Variants in MYO16 observed in about 807,000 individuals in gnomAD.
The protein encoded by MYO16 is unconventional myosin-XVI.
In MYO16, 94 loss-of-function variants were observed where a neutral mutation model predicts 205.3. The observed-to-expected ratio is 0.46, with a 90% CI of 0.39 to 0.54. The LOEUF is 0.54. Among genes scored for constraint, MYO16 ranks in the 20% least tolerant of loss-of-function variants. The pLI is 0.00. For missense variants in MYO16, 2,315 were observed against 2,387.5 expected, an observed-to-expected ratio of 0.97 and a Z score of 0.63; for synonymous variants, 988 against 954.0, an observed-to-expected ratio of 1.04 and a Z score of -0.66.
At chr13:109,018,629 G>A (rs1397851215) in intron 22 of MYO16, among the ~76,000 whole-genome samples, 2 of 152,204 alleles carry the variant, frequency 1.3e-5, no homozygotes, top group Non-Finnish European at 1.5e-5. Context: ...GTTGAGCGAA[G>A]CATGGGATAT....
chr13:108,531,515 G>A, the MYO16 span, among the ~76,000 whole-genome samples: 1 of 152,142 alleles, frequency 6.6e-6, no homozygotes, highest in African/African-American at 2.4e-5. Flanking sequence ...GAGGAAGATA[G>A]GAAGGAGGAT....
intron 24 of MYO16, 43 bp from the exon 25 acceptor site, chr13:109,052,257 T>G (rs1887268136): frequency 6.5e-7 from 1 of 1,535,434 alleles, no homozygotes; most frequent in African/African-American, 1.4e-5. Flanking sequence ...GCTTAAGTAA[T>G]AATTTTAGTG....
intron 20 of MYO16, among the ~76,000 whole-genome samples, chr13:108,989,818 T>C (rs897927964): frequency 1.5e-4 from 23 of 152,132 alleles, no homozygotes; most frequent in African/African-American, 4.8e-4. Context: ...TTTCAGATTG[T>C]ATTTCTTTGT....
chr13:108,592,685 CTGTGTGGGGTTTG>C (rs1878435658), upstream of MYO16, among the ~76,000 whole-genome samples: 1 of 118,206 alleles, frequency 8.5e-6, no homozygotes, highest in Non-Finnish European at 1.8e-5. Flanking sequence ...CTGTGGGAGG[CTGTGTGGGGTTTG>C]TGGGGTACGT....
chr13:108,533,910 A>G, the MYO16 span, among the ~76,000 whole-genome samples: 6 of 152,160 alleles, frequency 3.9e-5, no homozygotes, highest in Non-Finnish European at 7.3e-5. Context: ...TAATACTGGA[A>G]CATTTTTCCT....
chr13:108,509,773 T>A, the MYO16 span, among the ~76,000 whole-genome samples: 1 of 152,312 alleles, frequency 6.6e-6, no homozygotes, highest in Admixed American at 6.5e-5. Flanking sequence ...ATTATGCACA[T>A]GTACCCTAAA....
In MYO16 at chr13:108,886,491, A is replaced by G. The variant is rs1273314414; in HGVS notation, c.1554-1881A>G. 2.0e-5 allele frequency: 9 copies of G among 456,096 alleles called. No individual in the cohort carries two copies. In the Admixed American group the frequency reaches 2.1e-4, roughly 11 times the overall value. The allele number at this position is 456,096 out of a possible 1,614,324, so 28.3% of individuals were successfully genotyped here. On this transcript the variant is annotated intron_variant, in intron 13 of 34. Coordinates refer to ENST00000457511, the MANE Select transcript of MYO16 (RefSeq NM_001198950.3). ...AGTGGAGTAGAATTTATTATGCGAA[A>G]GGGAAGCTCTCAGCAGAGAGGGGTC...
At chr13:109,160,351 T>C (rs1878321147) in intron 32 of MYO16, among the ~76,000 whole-genome samples, 1 of 152,222 alleles carries the variant, frequency 6.6e-6, no homozygotes, top group South Asian at 2.1e-4. Context: ...TAAATGTACC[T>C]ACACTGCAAA....
intron 21 of MYO16, among the ~76,000 whole-genome samples, chr13:109,007,312 C>G (rs552833291): frequency 1.3e-5 from 2 of 151,698 alleles, no homozygotes; most frequent in South Asian, 2.1e-4. Flanking sequence ...GGTGTGAACC[C>G]GTGAGGCGGA....
chr13:108,738,168 G>A (rs977666062), intron 4 of MYO16, among the ~76,000 whole-genome samples: 2 of 76,512 alleles, frequency 2.6e-5, no homozygotes, highest in East Asian at 4.3e-4. Context: ...TATCTCTTGC[G>A]TTCTGCTAGC....
chr13:109,126,693 G>A (rs913915135), intron 30 of MYO16, among the ~76,000 whole-genome samples: 9 of 152,212 alleles, frequency 5.9e-5, no homozygotes, highest in African/African-American at 2.2e-4. Context: ...ACCATATGGA[G>A]TCAAGGAGGA....
chr13:109,135,104 T>C (rs1484469053), intron 31 of MYO16, among the ~76,000 whole-genome samples: 2 of 152,140 alleles, frequency 1.3e-5, no homozygotes, highest in Non-Finnish European at 1.5e-5. Context: ...ACTTGTGGCC[T>C]AAAAAGACAA....
chr13:108,637,686 C>T (rs1880320177), intron 1 of MYO16, among the ~76,000 whole-genome samples: 1 of 151,938 alleles, frequency 6.6e-6, no homozygotes, highest in African/African-American at 2.4e-5. Flanking sequence ...ACCAGCCTGA[C>T]CAACATGGCA....
At chr13:108,873,654 GCCAA>G (rs1879181675) in intron 12 of MYO16, among the ~76,000 whole-genome samples, 2 of 129,400 alleles carry the variant, frequency 1.5e-5, no homozygotes, top group Non-Finnish European at 3.4e-5. Flanking sequence ...CAGGGTCCAT[GCCAA>G]CCAACCAGGA....
intron 27 of MYO16, among the ~76,000 whole-genome samples, chr13:109,091,637 GGC>G (rs1888627393): frequency 3.3e-5 from 5 of 152,090 alleles, no homozygotes; most frequent in Admixed American, 3.3e-4. Context: ...GCCTTCCCTT[GGC>G]TGCTCCAAAA....
chr13:109,111,661 T>G (rs1324955340), intron 28 of MYO16, among the ~76,000 whole-genome samples: 1 of 152,096 alleles, frequency 6.6e-6, no homozygotes, highest in Non-Finnish European at 1.5e-5. Flanking sequence ...ATATAATCTA[T>G]GTTAATAAAA....
intron 6 of MYO16, among the ~76,000 whole-genome samples, chr13:108,800,871 C>T (rs1886949039): frequency 6.6e-6 from 1 of 151,832 alleles, no homozygotes; most frequent in South Asian, 2.1e-4. Flanking sequence ...ATCAGATGCA[C>T]AAATACAAGG....
At chr13:109,121,346 A>G (rs1594103131) in intron 29 of MYO16, among the ~76,000 whole-genome samples, 1 of 152,158 alleles carries the variant, frequency 6.6e-6, no homozygotes, top group South Asian at 2.1e-4. Context: ...TTCTAACGAT[A>G]AAAAGACCTG....
At chr13:108,895,717 T>G (rs900913216) in intron 14 of MYO16, among the ~76,000 whole-genome samples, 1 of 152,220 alleles carries the variant, frequency 6.6e-6, no homozygotes, top group Non-Finnish European at 1.5e-5. Context: ...TGTCCTTTTT[T>G]CTGTAAAGCA....
Sources: gnomAD v4.1 joint callset for allele counts (sites outside exome capture counted in the v4.1 genomes callset) on GRCh38, gnomAD v4.1.1 for gene constraint, MANE v1.5 for transcripts, NCBI Gene and HGNC (gene_info 2026-07-23, HGNC 2026-07-21) for gene names.